HDAC9: variants seen among roughly 807,000 people sequenced by gnomAD.
HDAC9 encodes histone deacetylase 9, also known as MEF-2 interacting transcription repressor (MITR) protein.
In HDAC9, 41 loss-of-function variants were observed where a neutral mutation model predicts 139.4. The observed-to-expected ratio is 0.29, with a 90% CI of 0.23 to 0.38. The LOEUF (loss-of-function observed/expected upper bound fraction) is 0.38, where lower values mean the gene tolerates loss of function less well. HDAC9 is among the 10% of genes least tolerant of loss of function. The pLI is 1.00. For synonymous variants in HDAC9, 517 were observed against 476.2 expected, an observed-to-expected ratio of 1.09 and a Z score of -1.12; for missense variants, 1,147 against 1,297.0, an observed-to-expected ratio of 0.88 and a Z score of 1.78.
chr7:18,736,368 G>A (rs1419052175), intron 13 of HDAC9, among the ~76,000 whole-genome samples: 1 of 152,062 alleles, frequency 6.6e-6, no homozygotes, highest in Non-Finnish European at 1.5e-5. Context: ...ACTGGCTGTG[G>A]GTTTGTCATA....
At chr7:18,555,506 G>T (rs781116191) in intron 2 of HDAC9, among the ~76,000 whole-genome samples, 11 of 152,036 alleles carry the variant, frequency 7.2e-5, no homozygotes, top group Non-Finnish European at 1.6e-4. Context: ...GATGGAGATT[G>T]TTGACCCCCC....
Position 18,732,932 on chromosome 7 carries a change from T to C in HDAC9, c.1909+5175T>C, listed in dbSNP as rs375400127. On this transcript the variant is annotated intron_variant, in intron 13 of 25. Transcript: ENST00000686413. ...GCGTATGTGTATACACACGTGTGTA[T>C]GTATGTGTATACACACGTGTATGTG... is the stretch of plus-strand genomic sequence containing the variant. Among the ~76,000 whole-genome samples, 373 of 93,128 alleles carry C rather than the reference T, an allele frequency of 4.0e-3. 35 individuals carry two copies. Among genetic ancestry groups the C allele is most frequent in the East Asian group, 0.019 (47 of 2,528 alleles). 61.1% of individuals were successfully genotyped at this position (93,128 alleles called of 152,430 possible).
intron 2 of HDAC9, among the ~76,000 whole-genome samples, chr7:18,261,419 A>G (rs1164983256): frequency 6.6e-6 from 1 of 152,200 alleles, no homozygotes; most frequent in East Asian, 1.9e-4. Flanking sequence ...TCTCCCACTC[A>G]TTTAAGAATA....
At chr7:18,896,681 ATG>A (rs984757993) in intron 22 of HDAC9, among the ~76,000 whole-genome samples, 3 of 152,082 alleles carry the variant, frequency 2.0e-5, no homozygotes, top group African/African-American at 7.2e-5. Context: ...AATTTTAACA[ATG>A]TGTTATAAGA....
intron 21 of HDAC9, among the ~76,000 whole-genome samples, chr7:18,836,480 G>A (rs950392845): frequency 6.6e-6 from 1 of 152,098 alleles, no homozygotes; most frequent in Non-Finnish European, 1.5e-5. Context: ...TTTGATGGTA[G>A]GGTAAATGAC....
chr7:18,923,659 TCTTTA>T (rs1437391998), intron 22 of HDAC9, among the ~76,000 whole-genome samples: 1 of 152,082 alleles, frequency 6.6e-6, no homozygotes, highest in African/African-American at 2.4e-5. Context: ...AAATACTCTA[TCTTTA>T]CCATTATGAA....
Position 18,972,922 on chromosome 7 carries a change from T to G in HDAC9, c.3023-2884T>G, listed in dbSNP as rs148171724. ...AGGGTAATGTATCATTTCCAAAGAT[T>G]ATTTCTTTAGTAAGTAATCTGCAAT... On this transcript the variant is annotated intron_variant, in intron 24 of 25. Coordinates refer to ENST00000686413, the MANE Select transcript of HDAC9 (RefSeq NM_178425.4). Among the ~76,000 whole-genome samples, 1,511 of 152,338 alleles carry G rather than the reference T, an allele frequency of 9.9e-3. 11 individuals carry two copies. Among genetic ancestry groups the G allele is most frequent in the Non-Finnish European group, 0.015 (987 of 68,034 alleles).
At chr7:18,680,299 G>A (rs996568192) in intron 12 of HDAC9, among the ~76,000 whole-genome samples, 1 of 151,930 alleles carries the variant, frequency 6.6e-6, no homozygotes, top group African/African-American at 2.4e-5. Flanking sequence ...TTCATCTTCA[G>A]TTGCGTAATG....
Position 18,384,746 on chromosome 7 carries a change from A to AT in HDAC9, c.-42+94232dup, listed in dbSNP as rs766321816. Among the ~76,000 whole-genome samples, 6 of 151,562 alleles carry AT rather than the reference A, an allele frequency of 4.0e-5. No homozygotes were observed. The East Asian group carries it at 9.7e-4, about 25-fold the overall frequency. Reference sequence around the variant, plus strand: ...ATGTTATGGATCTCTGCCCTGCTTGATGTCAGGATTGGGGAGAAAAAAGAA... The same window carrying AT: ...ATGTTATGGATCTCTGCCCTGCTTGATTGTCAGGATTGGGGAGAAAAAAGAA... On this transcript the variant is annotated intron_variant, in intron 1 of 3. Coordinates refer to the HDAC9 transcript ENST00000413509.
In HDAC9 at chr7:18,767,057, T is replaced by C. The variant is rs114503831; in HGVS notation, c.2165-49T>C. The C allele has an allele frequency of 4.9e-3, 4,386 of 894,502 alleles. 56 individuals are homozygous for C. Among genetic ancestry groups the C allele is most frequent in the South Asian group, 0.026 (1,358 of 52,260 alleles). 55.4% of individuals were successfully genotyped at this position (894,502 alleles called of 1,614,324 possible). A position where few individuals can be genotyped will look rare whatever the true frequency, so the allele number is the denominator to read the frequency against. On this transcript the variant is annotated intron_variant, in intron 15 of 25. Transcript: ENST00000686413. ...TTAATAAATGCCAACATTTTAAAAA[T>C]TATATAACCTCCATTTATCTATATT...
At chr7:18,462,880 C>G (rs1345552144) in intron 1 of HDAC9, among the ~76,000 whole-genome samples, 1 of 151,806 alleles carries the variant, frequency 6.6e-6, no homozygotes, top group East Asian at 1.9e-4. Context: ...ACTTTATATG[C>G]CATTAATATG....
chr7:18,181,114 T>C (rs892447834), intron 2 of HDAC9, among the ~76,000 whole-genome samples: 2 of 152,206 alleles, frequency 1.3e-5, no homozygotes, highest in Admixed American at 6.5e-5. Context: ...TCCTTTTTTT[T>C]CCCTAAGAGG....
chr7:18,296,150 A>G (rs1798133835), intron 1 of HDAC9, among the ~76,000 whole-genome samples: 1 of 152,286 alleles, frequency 6.6e-6, no homozygotes, highest in East Asian at 1.9e-4. Context: ...ACTCACGTGA[A>G]TTACCTCTGC....
chr7:18,295,740 C>T (rs970656320), intron 1 of HDAC9, among the ~76,000 whole-genome samples: 1 of 152,088 alleles, frequency 6.6e-6, no homozygotes, highest in Non-Finnish European at 1.5e-5. Flanking sequence ...AGTTCTCAAC[C>T]GGGGGCAGTT....
chr7:18,134,296 T>C (rs2128104273), intron 1 of HDAC9, among the ~76,000 whole-genome samples: 1 of 152,242 alleles, frequency 6.6e-6, no homozygotes, highest in Admixed American at 6.6e-5. Context: ...TAGCATATTA[T>C]TTTTTATTAA....
Position 18,752,130 on chromosome 7 carries a change from A to G in HDAC9, c.2043+2992A>G, listed in dbSNP as rs145431883. On this transcript the variant is annotated intron_variant, in intron 14 of 25. Transcript: ENST00000686413. Reference sequence around the variant, plus strand: ...AAATTATTTTCGAATGCCGTGAAAAATACAACACAAATTTATCAACAAATA... The same window carrying G: ...AAATTATTTTCGAATGCCGTGAAAAGTACAACACAAATTTATCAACAAATA... 2.2e-3 allele frequency among the ~76,000 whole-genome samples: 338 copies of G among 152,268 alleles called. 1 individual carries two copies. The highest frequency in any genetic ancestry group is 6.8e-3 in the Middle Eastern group (2 of 294).
chr7:18,987,204 T>G (rs1365238145), intron 25 of HDAC9, among the ~76,000 whole-genome samples: 2 of 152,242 alleles, frequency 1.3e-5, no homozygotes, highest in African/African-American at 4.8e-5. Context: ...GGCTGTGGGT[T>G]TGTCATAGAT....
intron 2 of HDAC9, among the ~76,000 whole-genome samples, chr7:18,200,474 C>T (rs10486419): frequency 0.28 from 41,893 of 151,960 alleles, 6,025 homozygotes; most frequent in South Asian, 0.39. Flanking sequence ...GTCAGTGGAA[C>T]GTTTCAGTAC....
At chr7:18,762,327 A>G (rs1789461985) in intron 15 of HDAC9, 50 bp downstream of exon 15, 2 of 1,597,710 alleles carry the variant, frequency 1.3e-6, no homozygotes, top group Non-Finnish European at 1.7e-6. Context: ...CAGCACTATC[A>G]TTAGTCAACG....
Sources: gnomAD v4.1 joint callset for allele counts (sites outside exome capture counted in the v4.1 genomes callset) on GRCh38, gnomAD v4.1.1 for gene constraint, MANE v1.5 for transcripts, NCBI Gene and HGNC (gene_info 2026-07-23, HGNC 2026-07-21) for gene names.